The following PDE10A variants were observed in gnomAD, a reference collection of about 807,000 sequenced individuals.
PDE10A encodes cAMP and cAMP-inhibited cGMP 3',5'-cyclic phosphodiesterase 10A.
Under a neutral mutation model 97.7 loss-of-function variants are expected in PDE10A, and 39 were observed. That is an observed-to-expected ratio of 0.40 (90% CI 0.31 to 0.52). The LOEUF is 0.52. Among genes scored for constraint, PDE10A ranks in the 20% least tolerant of loss-of-function variants. PDE10A has a pLI of 0.56. For synonymous variants in PDE10A, 371 were observed against 376.8 expected (o/e 0.98, Z 0.18); for missense variants, 731 against 1,047.8 (o/e 0.70, Z 4.17).
Position 165,711,560 on chromosome 6 carries a change from G to A in PDE10A, c.-614-167992C>T, listed in dbSNP as rs373176051. Among the ~76,000 whole-genome samples, 7 of 152,154 alleles carry A rather than the reference G, an allele frequency of 4.6e-5. No individual in the cohort carries two copies. Among genetic ancestry groups the A allele is most frequent in the Non-Finnish European group, 7.3e-5 (5 of 68,028 alleles). ...TTTTAGTTCAGTTAGTTCAGCCTGCGCTTTCTAGATCCTCCAGCCAGGCCC... is the reference window on the plus strand; with the variant it reads ...TTTTAGTTCAGTTAGTTCAGCCTGCACTTTCTAGATCCTCCAGCCAGGCCC... On this transcript the variant is annotated intron_variant, in intron 1 of 19. Transcript: ENST00000366882. This position sits in a 1 kb window ranked among gnomAD's most constrained non-coding sequence, Gnocchi z 4.5.
intron 1 of PDE10A, among the ~76,000 whole-genome samples, chr6:165,631,799 T>C (rs1478470171): frequency 6.6e-6 from 1 of 152,140 alleles, no homozygotes; most frequent in Non-Finnish European, 1.5e-5. Flanking sequence ...AACGTAAGTT[T>C]AACAGAAATA....
intron 2 of PDE10A, among the ~76,000 whole-genome samples, chr6:165,516,441 T>A (rs980585874): frequency 3.9e-5 from 6 of 152,102 alleles, no homozygotes; most frequent in Non-Finnish European, 1.5e-5. Flanking sequence ...TACGCGCACA[T>A]CAAAAAGAGG....
intron 21 of PDE10A, among the ~76,000 whole-genome samples, 167 bp from the exon 22 acceptor site, chr6:165,333,294 C>T (rs982130797): frequency 6.6e-6 from 1 of 152,158 alleles, no homozygotes; most frequent in Admixed American, 6.5e-5. Context: ...CCTGTGATGG[C>T]TGTTCAGGAA....
At chr6:165,773,506 A>G (rs573486417) in intron 1 of PDE10A, among the ~76,000 whole-genome samples, 2 of 152,316 alleles carry the variant, frequency 1.3e-5, no homozygotes, top group Non-Finnish European at 2.9e-5. Context: ...ATTTACAAAT[A>G]CTTAATTTTT....
chr6:165,896,398 G>T, intron 1 of PDE10A, among the ~76,000 whole-genome samples: 1 of 150,506 alleles, frequency 6.6e-6, no homozygotes. Flanking sequence ...CTGTTGCCTA[G>T]GCTGGAGTGC....
intron 3 of PDE10A, among the ~76,000 whole-genome samples, chr6:165,458,632 T>C (rs1778103407): frequency 2.0e-5 from 3 of 152,042 alleles, no homozygotes; most frequent in Admixed American, 1.3e-4. Context: ...GTAAATTGTA[T>C]CTATCAATCT....
intron 1 of PDE10A, among the ~76,000 whole-genome samples, chr6:165,910,244 G>A (rs1782414798): frequency 1.3e-5 from 2 of 152,170 alleles, no homozygotes; most frequent in Non-Finnish European, 2.9e-5. Context: ...GAGCGCTAAG[G>A]CTTTCATGAA....
At chr6:165,519,227 T>C (rs1781993416) in intron 2 of PDE10A, among the ~76,000 whole-genome samples, 1 of 152,264 alleles carries the variant, frequency 6.6e-6, no homozygotes, top group East Asian at 1.9e-4. Context: ...ACTTACGATA[T>C]ACGGCTGACC....
chr6:165,515,523 C>CT (rs376897417), intron 2 of PDE10A, among the ~76,000 whole-genome samples: 21,644 of 124,482 alleles, frequency 0.17, 2,583 homozygotes, highest in African/African-American at 0.33. Flanking sequence ...TGCTTTTGTT[C>CT]TTTTTTTTTT....
intron 2 of PDE10A, among the ~76,000 whole-genome samples, chr6:165,500,342 G>T (rs185130368): frequency 1.3e-5 from 2 of 152,286 alleles, no homozygotes; most frequent in East Asian, 3.9e-4. Context: ...AGACATAAGA[G>T]ACTCCATTTT....
intron 1 of PDE10A, among the ~76,000 whole-genome samples, chr6:165,843,997 G>C (rs898638796): frequency 3.9e-5 from 6 of 152,174 alleles, no homozygotes; most frequent in Non-Finnish European, 7.4e-5. Context: ...CACGGCACAG[G>C]TTCCGAAATG....
chr6:165,858,565 C>T (rs1474218356), intron 1 of PDE10A, among the ~76,000 whole-genome samples: 1 of 152,194 alleles, frequency 6.6e-6, no homozygotes, highest in East Asian at 1.9e-4. Flanking sequence ...CAGGATTGCC[C>T]CCGAGGTCCA....
rs1400045428 is a variant in PDE10A at position 165,663,094 on chromosome 6, C to T, written c.-283G>A. Among the ~76,000 whole-genome samples the T allele has an allele frequency of 1.3e-5, 2 of 151,688 alleles. No homozygotes were observed. The highest frequency in any genetic ancestry group is 2.0e-4 in the East Asian group (1 of 5,076). On this transcript the variant is annotated 5_prime_UTR_variant, in exon 1 of 22. Transcript: ENST00000539869. ...CGTCCTCCCGGGCCGGGGCTAGGGA[C>T]GGCGGAGACCCTCCCTGCAGGCGTG... is the stretch of plus-strand genomic sequence containing the variant.
intron 1 of PDE10A, among the ~76,000 whole-genome samples, chr6:165,683,888 G>A (rs912445285): frequency 6.6e-6 from 1 of 152,122 alleles, no homozygotes; most frequent in South Asian, 2.1e-4. Flanking sequence ...GGAACCCCCA[G>A]GCATCATCCT....
At chr6:165,597,717 C>G (rs1193798251) in intron 1 of PDE10A, among the ~76,000 whole-genome samples, 2 of 152,196 alleles carry the variant, frequency 1.3e-5, no homozygotes, top group Non-Finnish European at 2.9e-5. Context: ...GATAGCTTAA[C>G]AGCTGTGCAC....
At chr6:165,927,765 C>T (rs1206939335) in intron 1 of PDE10A, among the ~76,000 whole-genome samples, 8 of 148,642 alleles carry the variant, frequency 5.4e-5, no homozygotes, top group Admixed American at 4.7e-4. Flanking sequence ...GGCACCATCT[C>T]GGCTCACTGT....
chr6:165,765,152 A>G (rs537586402), intron 1 of PDE10A, among the ~76,000 whole-genome samples: 1 of 152,234 alleles, frequency 6.6e-6, no homozygotes, highest in African/African-American at 2.4e-5. Flanking sequence ...CGCTTGGTGT[A>G]TTTACAATCC....
chr6:165,874,691 G>A (rs920410130), intron 1 of PDE10A, among the ~76,000 whole-genome samples: 1 of 152,110 alleles, frequency 6.6e-6, no homozygotes, highest in African/African-American at 2.4e-5. Flanking sequence ...ATTCACAATT[G>A]AAATTGGGAA....
chr6:165,549,762 TTTA>T (rs1317776633), intron 1 of PDE10A, among the ~76,000 whole-genome samples: 4 of 152,236 alleles, frequency 2.6e-5, no homozygotes, highest in Non-Finnish European at 5.9e-5. Context: ...AGCCAAAGCC[TTTA>T]TTATTTCTGA....
Sources: allele counts gnomAD v4.1 joint callset (sites outside exome capture counted in the v4.1 genomes callset), GRCh38; gene constraint gnomAD v4.1.1; non-coding constraint Gnocchi (gnomAD v3.1); transcripts MANE v1.5; gene names NCBI Gene and HGNC (gene_info 2026-07-23, HGNC 2026-07-21).